Variants in MALRD1 observed in about 807,000 individuals in gnomAD.
The protein encoded by MALRD1 is MAM and LDL-receptor class A domain-containing protein 1.
MALRD1 carries 247 observed loss-of-function variants against 242.1 expected under a neutral mutation model. The ratio of observed to expected loss-of-function variants is 1.02; its 90% CI spans 0.92 to 1.13. The LOEUF (loss-of-function observed/expected upper bound fraction) is 1.13. Ranked by LOEUF, MALRD1 falls within the 50% of genes most tolerant of loss-of-function variation. The pLI is 0.00. For synonymous variants in MALRD1, 995 were observed against 866.6 expected (o/e 1.15, Z -2.60); for missense variants, 2,989 against 2,533.1 (o/e 1.18, Z -3.86).
At chr10:19,463,086 G>T (rs190092974) in intron 29 of MALRD1, among the ~76,000 whole-genome samples, 119 of 151,920 alleles carry the variant, frequency 7.8e-4, no homozygotes, top group Non-Finnish European at 1.4e-3. Flanking sequence ...AAAGAGGAAG[G>T]GAATATATAT....
chr10:19,562,156 C>T (rs575955886), intron 32 of MALRD1, among the ~76,000 whole-genome samples: 6 of 152,124 alleles, frequency 3.9e-5, no homozygotes, highest in Admixed American at 1.3e-4. Context: ...ATTAGCCAGG[C>T]GTGGTGGCGG....
intron 14 of MALRD1, among the ~76,000 whole-genome samples, chr10:19,177,887 G>A (rs1835330676): frequency 6.6e-6 from 1 of 152,014 alleles, no homozygotes; most frequent in South Asian, 2.1e-4. Context: ...TCTAGAATGA[G>A]GATCTTGTGA....
At chr10:19,708,053 A>C (rs1362612710) in intron 38 of MALRD1, among the ~76,000 whole-genome samples, 1 of 120,634 alleles carries the variant, frequency 8.3e-6, no homozygotes, top group Non-Finnish European at 1.9e-5. Flanking sequence ...GAAAGTGAGA[A>C]AATAAAAAAA....
chr10:19,426,399 C>T (rs945387152), intron 28 of MALRD1, among the ~76,000 whole-genome samples: 3 of 152,130 alleles, frequency 2.0e-5, no homozygotes, highest in African/African-American at 7.2e-5. Context: ...ATGGAAAATA[C>T]CTGCAGAAAG....
At chr10:19,151,076 A>AT (rs1833929240) in intron 11 of MALRD1, among the ~76,000 whole-genome samples, 1 of 152,054 alleles carries the variant, frequency 6.6e-6, no homozygotes, top group East Asian at 1.9e-4. Flanking sequence ...ACTTTTTCCT[A>AT]TTTTCCTACC....
intron 19 of MALRD1, among the ~76,000 whole-genome samples, chr10:19,274,852 A>G (rs1190186731): frequency 6.7e-6 from 1 of 148,378 alleles, no homozygotes. Flanking sequence ...ACAAGTGTTT[A>G]ATGGATATAG....
At chr10:19,573,602 A>T (rs1272770440) in intron 33 of MALRD1, among the ~76,000 whole-genome samples, 1 of 151,842 alleles carries the variant, frequency 6.6e-6, no homozygotes, top group Non-Finnish European at 1.5e-5. Context: ...AAAAGAAAAA[A>T]TTTTCCTTAC....
At chr10:19,205,935 A>G (rs537904536) in intron 17 of MALRD1, among the ~76,000 whole-genome samples, 1 of 151,546 alleles carries the variant, frequency 6.6e-6, no homozygotes, top group East Asian at 1.9e-4. Context: ...GAGTTACAAA[A>G]CCCTGTCAAG....
At chr10:19,060,038 G>A (rs1834777230) in intron 1 of MALRD1, among the ~76,000 whole-genome samples, 3 of 152,178 alleles carry the variant, frequency 2.0e-5, no homozygotes. Context: ...ATCGTGCATT[G>A]TCTAGTCCTA....
chr10:19,665,351 A>C (rs1266580599), intron 36 of MALRD1, among the ~76,000 whole-genome samples: 5 of 152,162 alleles, frequency 3.3e-5, no homozygotes, highest in Non-Finnish European at 7.4e-5. Flanking sequence ...CTAGCTAATA[A>C]AGTTTCTTTG....
chr10:19,244,181 A>G (rs767337148), intron 18 of MALRD1, among the ~76,000 whole-genome samples: 1 of 152,120 alleles, frequency 6.6e-6, no homozygotes, highest in Non-Finnish European at 1.5e-5. Flanking sequence ...TGTTGTTTAC[A>G]TGTATGATTT....
At chr10:19,602,881 C>T (rs553345292) in intron 34 of MALRD1, among the ~76,000 whole-genome samples, 13 of 152,068 alleles carry the variant, frequency 8.5e-5, no homozygotes, top group South Asian at 2.1e-4. Flanking sequence ...TTTTAATGAT[C>T]GCCATTCTAA....
intron 18 of MALRD1, among the ~76,000 whole-genome samples, chr10:19,244,495 G>A (rs73593857): frequency 0.22 from 32,867 of 151,820 alleles, 3,725 homozygotes; most frequent in Admixed American, 0.34. Flanking sequence ...GCTTGAGTCC[G>A]AGAGGCAGAG....
chr10:19,708,132 C>A (rs71497287), intron 38 of MALRD1, among the ~76,000 whole-genome samples: 1 of 118,872 alleles, frequency 8.4e-6, no homozygotes, highest in African/African-American at 2.7e-5. Flanking sequence ...ATGCTGAGAT[C>A]TGAAAACTTA....
intron 17 of MALRD1, among the ~76,000 whole-genome samples, chr10:19,208,084 A>AT (rs5783658): frequency 0.014 from 2,065 of 149,336 alleles, 23 homozygotes; most frequent in Non-Finnish European, 0.016. Flanking sequence ...TCCATTTCAC[A>AT]TTTTTTTTTT....
At chr10:19,471,757 G>A (rs1162149511) in intron 29 of MALRD1, among the ~76,000 whole-genome samples, 1 of 148,308 alleles carries the variant, frequency 6.7e-6, no homozygotes, top group African/African-American at 2.5e-5. Flanking sequence ...ACTGATTTTT[G>A]CAAGTTGATT....
intron 20 of MALRD1, among the ~76,000 whole-genome samples, 184 bp from the exon 21 acceptor site, chr10:19,282,835 A>G (rs1052691306): frequency 3.9e-5 from 6 of 152,198 alleles, no homozygotes; most frequent in African/African-American, 9.7e-5. Context: ...ATATTTGACT[A>G]GAATAAACCT....
intron 38 of MALRD1, among the ~76,000 whole-genome samples, chr10:19,727,317 T>C (rs1835075338): frequency 6.6e-6 from 1 of 152,176 alleles, no homozygotes; most frequent in Non-Finnish European, 1.5e-5. Flanking sequence ...CCATTTGTAA[T>C]AGTTTCAGAC....
At chr10:19,657,528 AG>A (rs1435228677) in intron 36 of MALRD1, among the ~76,000 whole-genome samples, 1 of 149,448 alleles carries the variant, frequency 6.7e-6, no homozygotes, top group Non-Finnish European at 1.5e-5. Context: ...TACAGAATTG[AG>A]ATTTTTTTTC....
Sources: allele counts gnomAD v4.1 joint callset (sites outside exome capture counted in the v4.1 genomes callset), GRCh38; gene constraint gnomAD v4.1.1; transcripts MANE v1.5; gene names NCBI Gene and HGNC (gene_info 2026-07-23, HGNC 2026-07-21).